Variants in RASGRP3 observed in about 807,000 individuals in gnomAD.
RASGRP3 encodes RAS guanyl releasing protein 3.
In RASGRP3, 54 loss-of-function variants were observed where a neutral mutation model predicts 82.7. The ratio of observed to expected loss-of-function variants is 0.65; its 90% CI spans 0.52 to 0.82. The LOEUF is 0.82. Ranked by LOEUF, RASGRP3 falls within the 40% of genes least tolerant of loss-of-function variation. The pLI, the probability that RASGRP3 is intolerant of heterozygous loss-of-function variation, is 0.00. For synonymous variants in RASGRP3, 309 were observed against 300.5 expected (o/e 1.03, Z -0.29); for missense variants, 861 against 828.9 (o/e 1.04, Z -0.48).
At chr2:33,442,883 G>GTTTTTTTTTTT (rs55978823) in intron 1 of RASGRP3, among the ~76,000 whole-genome samples, 1 of 138,568 alleles carries the variant, frequency 7.2e-6, no homozygotes. Context: ...AATCACTATT[G>GTTTTTTTTTTT]TTTTTTTTTT....
chr2:33,499,284 G>C (rs1394010127), intron 1 of RASGRP3, among the ~76,000 whole-genome samples: 1 of 152,104 alleles, frequency 6.6e-6, no homozygotes, highest in Admixed American at 6.6e-5. Context: ...CCCAGTTTTT[G>C]GCCAGGTGCG....
At position 33,541,556 on chromosome 2, in the gene RASGRP3, G is replaced by A. The variant is rs568954607; in HGVS notation, c.1279-1956G>A. On this transcript the variant is annotated intron_variant, in intron 12 of 17. Coordinates refer to ENST00000403687, the MANE Select transcript of RASGRP3 (RefSeq NM_001139488.2). The stretch of plus-strand genomic sequence containing the variant: ...TTGTCTCATACCCTAGAAGATGATC[G>A]ATTACAGTATTTTAAGATTTTATTT... 4.1e-5 allele frequency among the ~76,000 whole-genome samples: 6 copies of A among 146,810 alleles called. 1 individual carries two copies. Among genetic ancestry groups the A allele is most frequent in the East Asian group, 3.9e-4 (2 of 5,170 alleles).
chr2:33,526,709 G>A lies in RASGRP3; in HGVS notation c.808-428G>A, dbSNP rs553647651. On this transcript the variant is annotated intron_variant, in intron 9 of 17. Coordinates refer to ENST00000403687, the MANE Select transcript of RASGRP3 (RefSeq NM_001139488.2). ...TATAGAACCACAGCTATCTCACACC[G>A]CATTGCAACTTTCTCTACCCCATAC... is the stretch of plus-strand genomic sequence containing the variant. 1.4e-4 allele frequency among the ~76,000 whole-genome samples: 22 copies of A among 152,248 alleles called. 1 individual carries two copies. Among genetic ancestry groups the A allele is most frequent in the South Asian group, 8.3e-4 (4 of 4,826 alleles).
rs747803233 is a variant in RASGRP3 at position 33,522,079 on chromosome 2, C to A, written c.493C>A (p.His165Asn). Residue 165 changes from histidine (H) to asparagine (N), a missense_variant, in exon 7 of 18, where the codon CAT (histidine) becomes AAT (asparagine). His to Asn is a moderately conservative substitution (Grantham distance 68). Transcript: ENST00000403687. ...ELAEHLTFLE[H>N]KSFRRISFTD... ...GGCTGAGCACCTCACTTTTCTGGAG[C>A]ATAAATCTTTTAGAAGGATCTCAGT... 3.1e-6 allele frequency: 5 copies of A among 1,609,462 alleles called. No homozygotes were observed. The highest frequency in any genetic ancestry group is 4.2e-6 in the Non-Finnish European group (5 of 1,178,836).
chr2:33,535,445 C>T (rs973383613), intron 11 of RASGRP3, among the ~76,000 whole-genome samples: 13 of 152,242 alleles, frequency 8.5e-5, no homozygotes, highest in Non-Finnish European at 1.6e-4. Context: ...AGATCTCATC[C>T]TTACCAGCTG....
At position 33,471,541 on chromosome 2, in the gene RASGRP3, T is replaced by C. The variant is rs1023851585; in HGVS notation, c.-261+23598T>C. Among the ~76,000 whole-genome samples the C allele has an allele frequency of 3.9e-5, 6 of 152,096 alleles. No individual in the cohort carries two copies. In the East Asian group the frequency reaches 5.8e-4, roughly 15 times the overall value. ...CGTATGAAGTTAGTCTGTGGTTTTC[T>C]TTATTATGCTTTATCAGTTTTTTTT... On this transcript the variant is annotated intron_variant, in intron 2 of 18. Transcript: ENST00000402538.
intron 13 of RASGRP3, among the ~76,000 whole-genome samples, chr2:33,548,860 T>C (rs1675098365): frequency 6.6e-6 from 1 of 151,888 alleles, no homozygotes; most frequent in Admixed American, 6.6e-5. Flanking sequence ...AGCTAATTTT[T>C]GTGTTTTTGG....
At chr2:33,536,013 T>A (rs1673566983) in intron 11 of RASGRP3, among the ~76,000 whole-genome samples, 2 of 152,094 alleles carry the variant, frequency 1.3e-5, no homozygotes, top group South Asian at 4.1e-4. Flanking sequence ...TTAAGAAAAC[T>A]AGGTCTGGGC....
intron 1 of RASGRP3, among the ~76,000 whole-genome samples, chr2:33,446,422 G>T (rs1347363734): frequency 6.6e-6 from 1 of 151,934 alleles, no homozygotes; most frequent in Non-Finnish European, 1.5e-5. Flanking sequence ...CTCCCAAAGT[G>T]CTGGGATTAC....
intron 1 of RASGRP3, among the ~76,000 whole-genome samples, chr2:33,508,479 G>T (rs1670613114): frequency 6.6e-6 from 1 of 152,092 alleles, no homozygotes; most frequent in Non-Finnish European, 1.5e-5. Context: ...ATAAAGAAGA[G>T]GGCCACTTCT....
At chr2:33,555,012 C>G (rs1204061863) in intron 14 of RASGRP3, 1 of 152,424 alleles carries the variant, frequency 6.6e-6, no homozygotes, top group African/African-American at 2.4e-5. Flanking sequence ...AAACATAGAG[C>G]AAATGTGGAG....
intron 1 of RASGRP3, among the ~76,000 whole-genome samples, chr2:33,487,901 G>A (rs1668529970): frequency 6.6e-6 from 1 of 152,158 alleles, no homozygotes. Flanking sequence ...GGAATTCTGA[G>A]ACCAGCCTGG....
chr2:33,520,016 T>C lies in RASGRP3; in HGVS notation c.236+2T>C. On this transcript the variant is annotated splice_donor_variant, in intron 5 of 17. Coordinates refer to ENST00000403687, the MANE Select transcript of RASGRP3 (RefSeq NM_001139488.2). LOFTEE classifies it high-confidence loss of function. ...ATTAAAGATCTGCTACTTCATGAGG[T>C]AAATATATTTACAAATTTAATTTCT... 2 of 1,589,914 alleles carry C rather than the reference T, an allele frequency of 1.3e-6. No homozygotes were observed. Among genetic ancestry groups the C allele is most frequent in the South Asian group, 2.3e-5 (2 of 87,726 alleles).
intron 10 of RASGRP3, chr2:33,532,544 T>G (rs1329844493): frequency 1.3e-5 from 2 of 152,242 alleles, no homozygotes; most frequent in Admixed American, 6.5e-5. Context: ...TATAATGGTA[T>G]GGCTCCCAAA....
rs1363886473 is a variant in RASGRP3, at chr2:33,563,755, A to AATT, written c.*1020_*1022dup. The AATT allele has an allele frequency of 1.3e-5, 2 of 152,200 alleles. No homozygotes were observed. Among genetic ancestry groups the AATT allele is most frequent in the Non-Finnish European group, 2.9e-5 (2 of 68,034 alleles). The allele number at this position is 152,200 out of a possible 1,614,324, so 9.4% of individuals were successfully genotyped here. On this transcript the variant is annotated 3_prime_UTR_variant, in exon 18 of 18. Transcript: ENST00000403687. ...CCCTTCCTAAGAAACTGCCTTCCACAATTAAAGAATACTCATAGAAAGAAA... is the reference window on the plus strand; with the variant it reads ...CCCTTCCTAAGAAACTGCCTTCCACAATTATTAAAGAATACTCATAGAAAGAAA...
chr2:33,502,707 G>T (rs1049160181), intron 1 of RASGRP3, among the ~76,000 whole-genome samples: 1 of 151,910 alleles, frequency 6.6e-6, no homozygotes, highest in East Asian at 1.9e-4. Context: ...TAGAGACAGC[G>T]TTTCACCATA....
intron 12 of RASGRP3, among the ~76,000 whole-genome samples, chr2:33,540,746 G>T (rs1345684759): frequency 1.4e-5 from 2 of 143,788 alleles, no homozygotes; most frequent in Admixed American, 7.3e-5. Context: ...ATTTTACTCC[G>T]CAAAAAATCT....
At chr2:33,471,246 C>G (rs115183780) in intron 2 of RASGRP3, among the ~76,000 whole-genome samples, 1,592 of 152,082 alleles carry the variant, frequency 0.01, 29 homozygotes, top group African/African-American at 0.037. Context: ...TGTGATCATA[C>G]CTTACTGCAG....
At chr2:33,457,680 T>C (rs901434884) in intron 2 of RASGRP3, among the ~76,000 whole-genome samples, 1 of 152,168 alleles carries the variant, frequency 6.6e-6, no homozygotes, top group Non-Finnish European at 1.5e-5. Context: ...GGTATTATCA[T>C]TTCCCTTTCA....
Sources: gnomAD v4.1 joint callset for allele counts (sites outside exome capture counted in the v4.1 genomes callset) on GRCh38, gnomAD v4.1.1 for gene constraint, MANE v1.5 for transcripts, NCBI Gene and HGNC (gene_info 2026-07-23, HGNC 2026-07-21) for gene names.